The following CACUL1 variants were observed in gnomAD, a reference collection of about 807,000 sequenced individuals.
CACUL1 encodes CDK2-associated and cullin domain-containing protein 1.
A neutral mutation model predicts 45.2 loss-of-function variants in CACUL1; 13 were observed. That is an observed-to-expected ratio of 0.29 (90% CI 0.19 to 0.46). The LOEUF (loss-of-function observed/expected upper bound fraction) is 0.46, where lower values mean the gene tolerates loss of function less well. Ranked by LOEUF, CACUL1 falls within the 20% of genes least tolerant of loss-of-function variation. The pLI is 1.00. For synonymous variants in CACUL1, 197 were observed against 174.2 expected (o/e 1.13, Z -1.03); for missense variants, 421 against 471.4 (o/e 0.89, Z 0.99).
chr10:118,698,393 C>G (rs1031459983), intron 5 of CACUL1, among the ~76,000 whole-genome samples: 1 of 152,158 alleles, frequency 6.6e-6, no homozygotes, highest in Admixed American at 6.5e-5. Flanking sequence ...ATCCGCCTGC[C>G]TCGGCCTCCC....
At chr10:118,697,214 C>A (rs561976948) in intron 5 of CACUL1, among the ~76,000 whole-genome samples, 1 of 152,270 alleles carries the variant, frequency 6.6e-6, no homozygotes, top group African/African-American at 2.4e-5. Context: ...ATATTTAATT[C>A]TCACAAGCTT....
At chr10:118,753,726 A>C (rs1232845325) in intron 1 of CACUL1, among the ~76,000 whole-genome samples, 1 of 152,238 alleles carries the variant, frequency 6.6e-6, no homozygotes, top group Non-Finnish European at 1.5e-5. Flanking sequence ...CACAAGACAT[A>C]ACCCATCCTG....
chr10:118,688,935 T>C (rs1845234677), intron 7 of CACUL1, among the ~76,000 whole-genome samples: 1 of 152,236 alleles, frequency 6.6e-6, no homozygotes. Context: ...AGACTTACTC[T>C]GTGCCATCCA....
intron 3 of CACUL1, among the ~76,000 whole-genome samples, chr10:118,709,510 C>T (rs1478432061): frequency 1.3e-5 from 2 of 152,188 alleles, no homozygotes; most frequent in African/African-American, 4.8e-5. Flanking sequence ...GAATTCATTC[C>T]TGGGTCAGAG....
Position 118,724,337 on chromosome 10 carries a change from T to C in CACUL1, c.597+4958A>G, listed in dbSNP as rs147496514. Among the ~76,000 whole-genome samples, 954 of 152,304 alleles carry C rather than the reference T, an allele frequency of 6.3e-3. 8 individuals are homozygous for C. The highest frequency in any genetic ancestry group is 9.7e-3 in the Non-Finnish European group (657 of 68,026). Reference sequence around the variant, plus strand: ...ATCTGAGTTTCCTTCTTCTCTTAGATCCTGGCCCTATAATTCACTTTGTTA... The same window carrying C: ...ATCTGAGTTTCCTTCTTCTCTTAGACCCTGGCCCTATAATTCACTTTGTTA... On this transcript the variant is annotated intron_variant, in intron 3 of 8. Transcript: ENST00000369151.
chr10:118,696,598 C>T (rs1845325775), intron 5 of CACUL1, among the ~76,000 whole-genome samples: 1 of 152,194 alleles, frequency 6.6e-6, no homozygotes, highest in Non-Finnish European at 1.5e-5. Flanking sequence ...AGCCAAGATC[C>T]CGCTACTGCA....
intron 1 of CACUL1, among the ~76,000 whole-genome samples, chr10:118,734,662 TG>T (rs1193768431): frequency 6.6e-6 from 1 of 152,216 alleles, no homozygotes; most frequent in East Asian, 1.9e-4. Flanking sequence ...AACAGCAGAA[TG>T]TGTGTTGCCC....
Position 118,677,948 on chromosome 10 carries a change from C to A in CACUL1, c.*8180G>T, listed in dbSNP as rs1356163359. The A allele has an allele frequency of 1.3e-5, 2 of 152,158 alleles. No homozygotes were observed. Among genetic ancestry groups the A allele is most frequent in the Non-Finnish European group, 2.9e-5 (2 of 68,038 alleles). The allele number at this position is 152,158 out of a possible 1,614,324, so 9.4% of individuals were successfully genotyped here. A position where few individuals can be genotyped will look rare whatever the true frequency, so the allele number is the denominator to read the frequency against. On this transcript the variant is annotated 3_prime_UTR_variant, in exon 9 of 9. Transcript: ENST00000369151. ...CAAAGTAGAAGTGCAGATTTACACG[C>A]CAACAACAGGTGAAGGTTTGTTGTC... is the stretch of plus-strand genomic sequence containing the variant.
chr10:118,727,084 C>G (rs550709278), intron 3 of CACUL1, among the ~76,000 whole-genome samples: 1 of 152,008 alleles, frequency 6.6e-6, no homozygotes, highest in Non-Finnish European at 1.5e-5. Flanking sequence ...CATATATCAC[C>G]CTTTTAAAAA....
Position 118,730,495 on chromosome 10 carries a change from C to T in CACUL1, c.368-85G>A, listed in dbSNP as rs972855573. 46 of 1,252,888 alleles carry T rather than the reference C, an allele frequency of 3.7e-5. No individual in the cohort carries two copies. The South Asian group carries it at 5.8e-4, about 16-fold the overall frequency. The allele number at this position is 1,252,888 out of a possible 1,614,324, so 77.6% of individuals were successfully genotyped here. A position where few individuals can be genotyped will look rare whatever the true frequency, so the allele number is the denominator to read the frequency against. On this transcript the variant is annotated intron_variant, in intron 1 of 8. Transcript: ENST00000369151. ...ACAGCCATTTTGCACTCTCAAATTC[C>T]TCTCACTTACTCTTCTGATTTTACA...
intron 6 of CACUL1, among the ~76,000 whole-genome samples, chr10:118,691,904 A>C (rs1387241163): frequency 6.7e-6 from 1 of 148,710 alleles, no homozygotes; most frequent in Admixed American, 6.7e-5. Flanking sequence ...AAAGAATTTT[A>C]TAGTATGAAG....
At chr10:118,740,936 A>C (rs187443007) in intron 1 of CACUL1, among the ~76,000 whole-genome samples, 12 of 152,200 alleles carry the variant, frequency 7.9e-5, no homozygotes, top group South Asian at 4.1e-4. Flanking sequence ...AAAAAAAAAA[A>C]AAACAAACAA....
At chr10:118,739,027 G>A (rs745460815) in intron 1 of CACUL1, among the ~76,000 whole-genome samples, 5 of 151,186 alleles carry the variant, frequency 3.3e-5, no homozygotes, top group Admixed American at 6.6e-5. Flanking sequence ...AACCTGGTCT[G>A]TACTAAAAAT....
At chr10:118,721,217 A>G (rs1845597147) in intron 3 of CACUL1, among the ~76,000 whole-genome samples, 1 of 152,238 alleles carries the variant, frequency 6.6e-6, no homozygotes, top group South Asian at 2.1e-4. Context: ...CACCCACTGG[A>G]CAAAAAATAA....
chr10:118,709,058 A>G (rs1255540991), intron 3 of CACUL1, among the ~76,000 whole-genome samples: 1 of 152,230 alleles, frequency 6.6e-6, no homozygotes, highest in Non-Finnish European at 1.5e-5. Flanking sequence ...AACATAAACC[A>G]TCAGTTAACA....
At position 118,705,041 on chromosome 10, in the gene CACUL1, T is replaced by C. The variant is rs552230463; in HGVS notation, c.693+2451A>G. On this transcript the variant is annotated intron_variant, in intron 4 of 8. Coordinates refer to ENST00000369151, the MANE Select transcript of CACUL1 (RefSeq NM_153810.5). ...AAAATCCTACATCAGTAGGGCCTCA[T>C]ACGTGAATTCTGATAGTTGAAATTC... Among the ~76,000 whole-genome samples, 7 of 152,362 alleles carry C rather than the reference T, an allele frequency of 4.6e-5. No homozygotes were observed. In the South Asian group the frequency reaches 1.4e-3, roughly 32 times the overall value.
chr10:118,718,784 A>T (rs565422524), intron 3 of CACUL1, among the ~76,000 whole-genome samples: 1 of 152,138 alleles, frequency 6.6e-6, no homozygotes, highest in Non-Finnish European at 1.5e-5. Flanking sequence ...CGTGTTAGCC[A>T]GGATGGTCTC....
chr10:118,696,465 A>AC (rs1211731548), intron 5 of CACUL1, among the ~76,000 whole-genome samples: 3 of 151,910 alleles, frequency 2.0e-5, no homozygotes, highest in East Asian at 1.9e-4. Flanking sequence ...ACTTGGTGAA[A>AC]CCCCCGTCTC....
chr10:118,746,976 G>GAGCC (rs1180936941), intron 1 of CACUL1, among the ~76,000 whole-genome samples: 1 of 152,206 alleles, frequency 6.6e-6, no homozygotes, highest in African/African-American at 2.4e-5. Context: ...TGAGCTGTGG[G>GAGCC]CCGGCGAGCA....
Sources: gnomAD v4.1 joint callset for allele counts (sites outside exome capture counted in the v4.1 genomes callset) on GRCh38, gnomAD v4.1.1 for gene constraint, MANE v1.5 for transcripts, NCBI Gene and HGNC (gene_info 2026-07-23, HGNC 2026-07-21) for gene names.